GPHN: variants seen among roughly 807,000 people sequenced by gnomAD.
GPHN encodes gephyrin.
A neutral mutation model predicts 95.5 loss-of-function variants in GPHN; 17 were observed. That is an observed-to-expected ratio of 0.18 (90% CI 0.12 to 0.27). The LOEUF (loss-of-function observed/expected upper bound fraction) is 0.27, where lower values mean the gene tolerates loss of function less well. Among genes scored for constraint, GPHN ranks in the 10% least tolerant of loss-of-function variants. The probability of loss-of-function intolerance (pLI) is 1.00; values close to 1 mark genes in which losing one functional copy is unlikely to be tolerated. For missense variants in GPHN, 660 were observed against 978.1 expected, an observed-to-expected ratio of 0.67 and a Z score of 4.34; for synonymous variants, 320 against 322.5, an observed-to-expected ratio of 0.99 and a Z score of 0.08.
intron 16 of GPHN, among the ~76,000 whole-genome samples, chr14:67,118,946 T>C (rs2078857430): frequency 6.6e-6 from 1 of 152,178 alleles, no homozygotes; most frequent in South Asian, 2.1e-4. Flanking sequence ...GTTTCACAAC[T>C]GGGAAGTCAT....
chr14:67,293,329 G>A, the GPHN span, among the ~76,000 whole-genome samples: 1 of 151,988 alleles, frequency 6.6e-6, no homozygotes, highest in Non-Finnish European at 1.5e-5. Flanking sequence ...TCCTGTTTTG[G>A]GGAGTAGACA....
chr14:66,803,950 T>C (rs1231745855), intron 3 of GPHN, among the ~76,000 whole-genome samples: 1 of 152,180 alleles, frequency 6.6e-6, no homozygotes, highest in Non-Finnish European at 1.5e-5. Flanking sequence ...AACATATTAA[T>C]CATAGTTTAC....
At chr14:67,060,780 G>A (rs1381494271) in intron 11 of GPHN, among the ~76,000 whole-genome samples, 1 of 151,706 alleles carries the variant, frequency 6.6e-6, no homozygotes, top group Non-Finnish European at 1.5e-5. Context: ...TTCACATCTT[G>A]TCCATTGACT....
chr14:67,663,224 A>G, the GPHN span: 2 of 1,393,648 alleles, frequency 1.4e-6, no homozygotes, highest in Non-Finnish European at 2.0e-6. Context: ...TTCAGCTTCA[A>G]AACAAACATC....
chr14:67,242,656 C>G, the GPHN span, among the ~76,000 whole-genome samples: 1 of 151,336 alleles, frequency 6.6e-6, no homozygotes, highest in East Asian at 1.9e-4. Flanking sequence ...TCCCTGTGGA[C>G]ATAGCTATTG....
chr14:66,656,920 G>A (rs559134202), intron 1 of GPHN, among the ~76,000 whole-genome samples: 4 of 152,260 alleles, frequency 2.6e-5, no homozygotes, highest in South Asian at 2.1e-4. Context: ...GTGAAAGGAA[G>A]AGCTACATAT....
At chr14:66,852,636 G>A (rs772469652) in intron 4 of GPHN, among the ~76,000 whole-genome samples, 12 of 152,154 alleles carry the variant, frequency 7.9e-5, no homozygotes, top group East Asian at 1.9e-4. Flanking sequence ...CATAGTCACC[G>A]GGTGATAGCT....
chr14:66,728,761 A>G (rs1395519557), intron 2 of GPHN, among the ~76,000 whole-genome samples: 1 of 152,172 alleles, frequency 6.6e-6, no homozygotes, highest in Non-Finnish European at 1.5e-5. Flanking sequence ...GCCTTATCTC[A>G]GATGAGACTT....
At chr14:67,090,888 G>A (rs1261282869) in intron 12 of GPHN, among the ~76,000 whole-genome samples, 1 of 151,418 alleles carries the variant, frequency 6.6e-6, no homozygotes, top group Non-Finnish European at 1.5e-5. Context: ...TACCCCAGCA[G>A]GTTGTTGTAA....
chr14:66,620,771 C>T (rs1309424992), intron 1 of GPHN, among the ~76,000 whole-genome samples: 2 of 152,152 alleles, frequency 1.3e-5, no homozygotes, highest in African/African-American at 4.8e-5. Context: ...CTCAAAAGTC[C>T]ACAGTCCAAA....
chr14:67,111,643 A>G (rs1002628639), intron 14 of GPHN, among the ~76,000 whole-genome samples: 6 of 152,172 alleles, frequency 3.9e-5, no homozygotes, highest in African/African-American at 1.4e-4. Context: ...AAGCATAAAA[A>G]TTGGAGAAAA....
intron 4 of GPHN, among the ~76,000 whole-genome samples, chr14:66,824,882 T>C (rs1477469671): frequency 6.6e-6 from 1 of 152,188 alleles, no homozygotes; most frequent in Non-Finnish European, 1.5e-5. Context: ...ATGGTTAGCA[T>C]GGCATCTGGT....
chr14:66,765,681 A>G (rs74569826), intron 2 of GPHN, among the ~76,000 whole-genome samples: 1,829 of 152,262 alleles, frequency 0.012, 19 homozygotes, highest in Non-Finnish European at 0.018. Flanking sequence ...TACCTGGGTG[A>G]CAAAATAATC....
At chr14:67,592,760 C>A in the GPHN span, 1 of 1,138,634 alleles carries the variant, frequency 8.8e-7, no homozygotes, top group Non-Finnish European at 1.3e-6. Context: ...AAGTGAAACT[C>A]ATTTTGCATT....
chr14:67,328,631 A>G, the GPHN span, among the ~76,000 whole-genome samples: 2 of 152,162 alleles, frequency 1.3e-5, no homozygotes, highest in Non-Finnish European at 2.9e-5. Context: ...TAAGTCTTTA[A>G]TCCATCTTGA....
chr14:67,393,490 G>A, the GPHN span, among the ~76,000 whole-genome samples: 13 of 152,180 alleles, frequency 8.5e-5, no homozygotes, highest in Admixed American at 5.2e-4. Context: ...GTCTCGCTCC[G>A]TCACCCAGGC....
the GPHN span, among the ~76,000 whole-genome samples, chr14:67,635,757 G>A: frequency 6.6e-6 from 1 of 152,114 alleles, no homozygotes; most frequent in Admixed American, 6.5e-5. Context: ...GGAAGCTGAG[G>A]CAGGAGAATT....
the GPHN span, chr14:67,323,615 A>AATATATATATATATATATATATATATAT: frequency 6.1e-5 from 16 of 260,312 alleles, no homozygotes; most frequent in Middle Eastern, 1.4e-3. Flanking sequence ...CCCTTAATCT[A>AATATATATATATATATATATATATATAT]ATATATATAT....
intron 1 of GPHN, among the ~76,000 whole-genome samples, chr14:66,665,524 G>T (rs573220624): frequency 2.0e-5 from 3 of 152,310 alleles, no homozygotes; most frequent in East Asian, 1.9e-4. Context: ...GGCCATCAGA[G>T]AAATGCAAAT....
Sources: gnomAD v4.1 joint callset for allele counts (sites outside exome capture counted in the v4.1 genomes callset) on GRCh38, gnomAD v4.1.1 for gene constraint, MANE v1.5 for transcripts, NCBI Gene and HGNC (gene_info 2026-07-23, HGNC 2026-07-21) for gene names.